Variants in DGKG observed in about 807,000 individuals in gnomAD.
DGKG encodes the protein diacylglycerol kinase gamma, also known as DAG kinase gamma.
In DGKG, 78 loss-of-function variants were observed where a neutral mutation model predicts 105.3. The observed-to-expected ratio is 0.74, with a 90% confidence interval of 0.62 to 0.89. The LOEUF is 0.89. DGKG is among the 40% of genes least tolerant of loss of function. The pLI, the probability that DGKG is intolerant of heterozygous loss-of-function variation, is 0.00. For synonymous variants in DGKG, 346 were observed against 367.1 expected, an observed-to-expected ratio of 0.94 and a Z score of 0.66; for missense variants, 958 against 1,020.1, an observed-to-expected ratio of 0.94 and a Z score of 0.83.
At position 186,231,926 on chromosome 3, in the gene DGKG, A is replaced by T. The variant is rs1720171422; in HGVS notation, c.1826+10578T>A. Among the ~76,000 whole-genome samples the T allele has an allele frequency of 6.6e-6, 1 of 152,204 alleles. No homozygotes were observed. The highest frequency in any genetic ancestry group is 2.4e-5 in the African/African-American group (1 of 41,448). On this transcript the variant is annotated intron_variant, in intron 20 of 24. Coordinates refer to ENST00000265022, the MANE Select transcript of DGKG (RefSeq NM_001346.3). This position sits in a 1 kb window ranked among gnomAD's most constrained non-coding sequence, Gnocchi z 4.5. ...CAGAGAGAGAGACTCCGTCTCAAAA[A>T]AACAAAAATAAAAACAAAAACTATA...
intron 21 of DGKG, among the ~76,000 whole-genome samples, chr3:186,209,093 C>CTTTTTTTTTTTTTTTTTTTTTTTTTTT (rs34226259): frequency 1.1e-5 from 1 of 89,838 alleles, no homozygotes; most frequent in African/African-American, 4.8e-5. Context: ...GTTTACTCTT[C>CTTTTTTTTTTTTTTTTTTTTTTTTTTT]TTTTTTTTTT....
chr3:186,314,525 C>T (rs937596387), intron 2 of DGKG, among the ~76,000 whole-genome samples: 7 of 152,130 alleles, frequency 4.6e-5, no homozygotes, highest in Admixed American at 1.3e-4. Flanking sequence ...GAGGTCGAGG[C>T]GGGTGGATCA....
intron 20 of DGKG, among the ~76,000 whole-genome samples, chr3:186,233,149 A>AAGGGG (rs1720235216): frequency 6.6e-6 from 1 of 152,026 alleles, no homozygotes; most frequent in South Asian, 2.1e-4. Flanking sequence ...TTAAGTTGCC[A>AAGGGG]GTCAATTGAC....
At position 186,216,303 on chromosome 3, in the gene DGKG, C is replaced by T. The variant is rs964174594; in HGVS notation, c.1827-4418G>A. Among the ~76,000 whole-genome samples, 7 of 152,060 alleles carry T rather than the reference C, an allele frequency of 4.6e-5. No homozygotes were observed. The South Asian group carries it at 1.5e-3, about 32-fold the overall frequency. On this transcript the variant is annotated intron_variant, in intron 20 of 24. Coordinates refer to ENST00000265022, the MANE Select transcript of DGKG (RefSeq NM_001346.3). ...GCCACCGCACCCGGCCGAGCTTATA[C>T]ACTTTTAATAGCATCACCAAGACCT...
At chr3:186,309,317 G>A (rs779784318) in intron 2 of DGKG, among the ~76,000 whole-genome samples, 30 of 152,186 alleles carry the variant, frequency 2.0e-4, no homozygotes, top group Non-Finnish European at 3.2e-4. Context: ...ACCATAAAAC[G>A]TTTAGGACAA....
intron 22 of DGKG, among the ~76,000 whole-genome samples, chr3:186,180,492 C>T (rs1452657060): frequency 6.6e-6 from 1 of 152,158 alleles, no homozygotes; most frequent in Non-Finnish European, 1.5e-5. Flanking sequence ...CTTGCTCTGT[C>T]TCAGCCCACA....
intron 8 of DGKG, 126 bp from the exon 9 acceptor site, chr3:186,280,099 A>T (rs1320848035): frequency 4.0e-6 from 5 of 1,249,458 alleles, no homozygotes; most frequent in Non-Finnish European, 5.7e-6. Context: ...CCTCCTGTTA[A>T]GTGTGAATAG....
Position 186,210,019 on chromosome 3 carries a change from C to A in DGKG, c.1917+1776G>T, listed in dbSNP as rs1245678725. Among the ~76,000 whole-genome samples the A allele has an allele frequency of 6.6e-6, 1 of 152,226 alleles. No homozygotes were observed. The highest frequency in any genetic ancestry group is 6.5e-5 in the Admixed American group (1 of 15,284). On this transcript the variant is annotated intron_variant, in intron 21 of 24. Transcript: ENST00000265022. The surrounding 1 kb of genome is among the most constrained non-coding windows in gnomAD (Gnocchi z 5.2). The stretch of plus-strand genomic sequence containing the variant: ...CCAGACCAGTGAACAACCCCACCCC[C>A]TCCAGAGGCCACCAGTGTCTTTAGC...
At chr3:186,313,919 T>C (rs1204160476) in intron 2 of DGKG, among the ~76,000 whole-genome samples, 1 of 152,122 alleles carries the variant, frequency 6.6e-6, no homozygotes, top group Non-Finnish European at 1.5e-5. Context: ...CTCACTCTAC[T>C]GGCCAGCATA....
chr3:186,274,445 T>C (rs571162005), intron 10 of DGKG, among the ~76,000 whole-genome samples: 10 of 152,290 alleles, frequency 6.6e-5, no homozygotes, highest in African/African-American at 2.4e-4. Context: ...TGTGCAGGTT[T>C]GTTACATGTG....
At chr3:186,250,032 A>G (rs753732360) in intron 19 of DGKG, among the ~76,000 whole-genome samples, 1 of 152,206 alleles carries the variant, frequency 6.6e-6, no homozygotes, top group Non-Finnish European at 1.5e-5. Flanking sequence ...TTTCATATGC[A>G]TGTGAAACTG....
chr3:186,243,590 C>T (rs180996043), intron 19 of DGKG, among the ~76,000 whole-genome samples: 7 of 152,264 alleles, frequency 4.6e-5, no homozygotes, highest in Admixed American at 2.0e-4. Flanking sequence ...TCCTCAAACT[C>T]GGTCTTCCAC....
At chr3:186,263,166 C>CAAAA (rs1272819580) in intron 14 of DGKG, among the ~76,000 whole-genome samples, 1 of 96,394 alleles carries the variant, frequency 1.0e-5, no homozygotes, top group Admixed American at 1.1e-4. Flanking sequence ...AAACAAAAAA[C>CAAAA]ACCACCACCA....
chr3:186,186,056 C>T lies in DGKG; in HGVS notation c.2095+2146G>A, dbSNP rs1052560133. Reference sequence around the variant, plus strand: ...GAGGTTGCAGTGAGCCAACATGTGCCACTGCACTCTAGCCTGGGTGACAGA... The same window carrying T: ...GAGGTTGCAGTGAGCCAACATGTGCTACTGCACTCTAGCCTGGGTGACAGA... On this transcript the variant is annotated intron_variant, in intron 22 of 24. Coordinates refer to ENST00000265022, the MANE Select transcript of DGKG (RefSeq NM_001346.3). Among the ~76,000 whole-genome samples the T allele has an allele frequency of 2.8e-5, 4 of 140,664 alleles. 1 individual carries two copies. The South Asian group carries it at 8.8e-4, about 31-fold the overall frequency. The allele number at this position is 140,664 out of a possible 152,430, so 92.3% of individuals were successfully genotyped here.
At chr3:186,352,694 A>G (rs1269501032) in intron 1 of DGKG, among the ~76,000 whole-genome samples, 1 of 152,066 alleles carries the variant, frequency 6.6e-6, no homozygotes, top group Admixed American at 6.5e-5. Context: ...ACACTCAGTT[A>G]CAAGTTCTTT....
At chr3:186,307,350 G>A (rs990519362) in intron 2 of DGKG, among the ~76,000 whole-genome samples, 2 of 152,118 alleles carry the variant, frequency 1.3e-5, no homozygotes, top group Middle Eastern at 3.4e-3. Flanking sequence ...TTTACTCTAC[G>A]TTTCAGCCAT....
At chr3:186,188,140 C>T (rs985328849) in intron 22 of DGKG, 62 bp downstream of exon 22, 7 of 1,584,948 alleles carry the variant, frequency 4.4e-6, no homozygotes, top group Non-Finnish European at 5.2e-6. Flanking sequence ...CTGCTGACAT[C>T]CACCTGAGGG....
chr3:186,202,385 C>T (rs1168616928), intron 21 of DGKG, among the ~76,000 whole-genome samples: 2 of 152,172 alleles, frequency 1.3e-5, no homozygotes, highest in Non-Finnish European at 2.9e-5. Context: ...AAAACAAAGA[C>T]ATATCCACTA....
intron 5 of DGKG, among the ~76,000 whole-genome samples, chr3:186,290,636 C>T (rs529333596): frequency 6.6e-5 from 10 of 152,272 alleles, no homozygotes; most frequent in East Asian, 3.9e-4. Flanking sequence ...GCTTCTAGGC[C>T]GCAGCACAGA....
Sources: gnomAD v4.1 joint callset for allele counts (sites outside exome capture counted in the v4.1 genomes callset) on GRCh38, gnomAD v4.1.1 for gene constraint, Gnocchi (gnomAD v3.1) non-coding constraint, MANE v1.5 for transcripts, NCBI Gene and HGNC (gene_info 2026-07-23, HGNC 2026-07-21) for gene names.